PIKFYVE: variants seen among roughly 807,000 people sequenced by gnomAD.
PIKFYVE encodes the protein phosphoinositide kinase, FYVE-type zinc finger containing, also known as 1-phosphatidylinositol 3-phosphate 5-kinase.
A neutral mutation model predicts 257.9 loss-of-function variants in PIKFYVE; 122 were observed. That is an observed-to-expected ratio of 0.47 (90% confidence interval 0.41 to 0.55). The LOEUF (loss-of-function observed/expected upper bound fraction) is 0.55. Among genes scored for constraint, PIKFYVE ranks in the 20% least tolerant of loss-of-function variants. The probability of loss-of-function intolerance (pLI) is 0.00; values close to 1 mark genes in which losing one functional copy is unlikely to be tolerated. For synonymous variants in PIKFYVE, 892 were observed against 868.9 expected (o/e 1.03, Z -0.47); for missense variants, 2,160 against 2,536.6 (o/e 0.85, Z 3.19).
Position 208,353,988 on chromosome 2 carries a change from C to T in PIKFYVE, c.5935C>T (p.Leu1979Phe), listed in dbSNP as rs770065851. 6.2e-7 allele frequency: 1 copy of T among 1,613,930 alleles called. No individual in the cohort carries two copies. The highest frequency in any genetic ancestry group is 2.2e-5 in the East Asian group (1 of 44,880). Reference sequence around the variant, plus strand: ...TGATGTGGTCCTGCTAGATGAAAATCTCCTAAAGATGGTTCGAGACAACCC... The same window carrying T: ...TGATGTGGTCCTGCTAGATGAAAATTTCCTAAAGATGGTTCGAGACAACCC... ...SCDVVLLDENLLKMVRDNPLY... is the reference protein window; with the variant it reads ...SCDVVLLDENFLKMVRDNPLY... Residue 1979 changes from leucine (L) to phenylalanine (F), a missense_variant, in exon 40 of 42, where the codon CTC (leucine) becomes TTC (phenylalanine). By Grantham distance (22) the Leu-to-Phe change is conservative (BLOSUM62 0). Transcript: ENST00000264380.
At chr2:208,298,261 C>A (rs868193122) in intron 7 of PIKFYVE, among the ~76,000 whole-genome samples, 1 of 152,026 alleles carries the variant, frequency 6.6e-6, no homozygotes, top group Non-Finnish European at 1.5e-5. Context: ...AAAAAAAAAT[C>A]CACTAACTTA....
intron 30 of PIKFYVE, 75 bp downstream of exon 30, chr2:208,339,630 A>G: frequency 6.4e-7 from 1 of 1,551,576 alleles, no homozygotes; most frequent in South Asian, 1.1e-5. Flanking sequence ...TACATGAATT[A>G]CAGCCATTTC....
At chr2:208,335,258 T>G in intron 24 of PIKFYVE, 48 bp from the exon 25 acceptor site, 1 of 1,216,462 alleles carries the variant, frequency 8.2e-7, no homozygotes, top group Non-Finnish European at 1.2e-6. Flanking sequence ...CTATTCAAGA[T>G]ATTAAGCTAT....
intron 1 of PIKFYVE, among the ~76,000 whole-genome samples, chr2:208,270,209 T>C (rs1574381019): frequency 6.6e-6 from 1 of 151,942 alleles, no homozygotes; most frequent in East Asian, 1.9e-4. Flanking sequence ...GTCCAGCTAA[T>C]TTTTGTATTT....
intron 5 of PIKFYVE, among the ~76,000 whole-genome samples, chr2:208,280,451 G>A (rs1462626179): frequency 6.6e-6 from 1 of 152,216 alleles, no homozygotes; most frequent in Non-Finnish European, 1.5e-5. Flanking sequence ...GCAGACCAGA[G>A]TGATGTTTTG....
chr2:208,344,567 G>A (rs1435824073), intron 32 of PIKFYVE, among the ~76,000 whole-genome samples: 2 of 151,930 alleles, frequency 1.3e-5, no homozygotes, highest in Non-Finnish European at 2.9e-5. Flanking sequence ...TTCTAGCTGA[G>A]ATCATCTTTT....
At chr2:208,279,901 A>C (rs1437430287) in intron 5 of PIKFYVE, among the ~76,000 whole-genome samples, 1 of 152,244 alleles carries the variant, frequency 6.6e-6, no homozygotes, top group Non-Finnish European at 1.5e-5. Context: ...TAGCCAAAAC[A>C]ATCCTAAGCA....
Position 208,335,845 on chromosome 2 carries a change from G to C in PIKFYVE, c.4309G>C (p.Asp1437His), listed in dbSNP as rs1559149584. Reference protein sequence around the residue: ...IDERLASLKTDTFSKTREEKM... With the variant: ...IDERLASLKTHTFSKTREEKM... ...TGAAAGACTTGCATCTTTGAAAACT[G>C]ATACATTTAGTAAAACAAGAGAGGA... The change falls in exon 26 of 42, where the codon GAT (aspartate) becomes CAT (histidine). Residue 1437 changes from aspartate (D) to histidine (H), a missense_variant. Coordinates refer to ENST00000264380, the MANE Select transcript of PIKFYVE (RefSeq NM_015040.4). The C allele has an allele frequency of 6.2e-7, 1 of 1,613,018 alleles. No individual in the cohort carries two copies. Among genetic ancestry groups the C allele is most frequent in the Non-Finnish European group, 8.5e-7 (1 of 1,179,408 alleles).
chr2:208,313,083 A>T (rs187326933), intron 13 of PIKFYVE, among the ~76,000 whole-genome samples: 1 of 152,266 alleles, frequency 6.6e-6, no homozygotes, highest in African/African-American at 2.4e-5. Flanking sequence ...ATGGACATAT[A>T]CTTTACTGTG....
In PIKFYVE at chr2:208,312,259, G is replaced by A. The variant is rs1455605533; in HGVS notation, c.1660G>A (p.Gly554Arg). The part of the protein sequence containing the change: ...QKEYLISDTG[G>R]QQLSISDAFI... ...AGAGTATTTGATTTCTGACACTGGA[G>A]GACAACAGCTCTCAATAAGTGACGC... Residue 554 changes from glycine (G) to arginine (R), a missense_variant, in exon 13 of 42, where the codon GGA becomes AGA. Gly to Arg is a moderately radical substitution (Grantham distance 125). Transcript: ENST00000264380. The A allele has an allele frequency of 3.1e-6, 5 of 1,611,652 alleles. No individual in the cohort carries two copies. The highest frequency in any genetic ancestry group is 4.2e-6 in the Non-Finnish European group (5 of 1,178,582).
At chr2:208,302,104 C>T (rs1693765434) in intron 9 of PIKFYVE, 138 bp from the exon 10 acceptor site, 2 of 733,860 alleles carry the variant, frequency 2.7e-6, no homozygotes, top group Non-Finnish European at 4.7e-6. Context: ...TCGTTTCGTC[C>T]TTTACTTATC....
At chr2:208,269,933 C>T in intron 1 of PIKFYVE, 2 of 252,890 alleles carry the variant, frequency 7.9e-6, no homozygotes, top group Non-Finnish European at 1.6e-5. Flanking sequence ...CTGCTGGTTC[C>T]TCCCAGAATA....
intron 5 of PIKFYVE, among the ~76,000 whole-genome samples, chr2:208,283,253 A>G (rs1329607946): frequency 6.6e-6 from 1 of 152,202 alleles, no homozygotes; most frequent in East Asian, 1.9e-4. Context: ...GGTAATAGCA[A>G]TAGTATCTGC....
intron 8 of PIKFYVE, among the ~76,000 whole-genome samples, chr2:208,300,293 G>A (rs10176626): frequency 0.72 from 108,882 of 152,106 alleles, 42,482 homozygotes; most frequent in East Asian, 0.93. Context: ...ATTTAAAGGT[G>A]TGAAGAAAGA....
intron 12 of PIKFYVE, among the ~76,000 whole-genome samples, chr2:208,309,128 A>G (rs915932265): frequency 6.6e-6 from 1 of 152,118 alleles, no homozygotes; most frequent in African/African-American, 2.4e-5. Flanking sequence ...ACTTGACTCT[A>G]TATTTAGAGT....
chr2:208,313,338 CTATT>C (rs1208723285), intron 13 of PIKFYVE, among the ~76,000 whole-genome samples: 3 of 151,986 alleles, frequency 2.0e-5, no homozygotes, highest in African/African-American at 7.3e-5. Flanking sequence ...TACATAAATG[CTATT>C]TATTATGTTT....
At chr2:208,283,831 G>C (rs994528820) in intron 5 of PIKFYVE, among the ~76,000 whole-genome samples, 1 of 152,146 alleles carries the variant, frequency 6.6e-6, no homozygotes, top group African/African-American at 2.4e-5. Flanking sequence ...CAGTCCGCCT[G>C]CCTTGGCCTC....
rs778272223 is a variant in PIKFYVE, at chr2:208,271,705, A to C, written c.172+14A>C. The C allele has an allele frequency of 2.5e-6, 4 of 1,606,660 alleles. No individual in the cohort carries two copies. The African/African-American group carries it at 5.4e-5, about 21-fold the overall frequency. On this transcript the variant is annotated intron_variant, in intron 2 of 41. Transcript: ENST00000264380. ...GTTTTAACAAAGGTAAGACTTATTA[A>C]AGATAAGAGGTTTGATTCAGGTCTG... is the stretch of plus-strand genomic sequence containing the variant.
In PIKFYVE at chr2:208,335,387, C is replaced by G. The variant is rs756603800; in HGVS notation, c.4224C>G (p.Ser1408=). The G allele has an allele frequency of 6.2e-7, 1 of 1,610,678 alleles. No individual in the cohort carries two copies. The highest frequency in any genetic ancestry group is 1.1e-5 in the South Asian group (1 of 90,982). The change falls in exon 25 of 42, where the codon TCC becomes TCG. Residue 1408 remains serine, a synonymous_variant. Coordinates refer to ENST00000264380, the MANE Select transcript of PIKFYVE (RefSeq NM_015040.4). ...AGCGTCAGGCCCCATTAAAAGTGTC[C>G]CTTCTTCAGGATCTGAAGGACTTCT... ...FIKRQAPLKV[S]LLQDLKDFFQ...
Sources: gnomAD v4.1 joint callset for allele counts (sites outside exome capture counted in the v4.1 genomes callset) on GRCh38, gnomAD v4.1.1 for gene constraint, MANE v1.5 for transcripts, NCBI Gene and HGNC (gene_info 2026-07-23, HGNC 2026-07-21) for gene names.